TUSC3: variants seen among roughly 807,000 people sequenced by gnomAD.
TUSC3 encodes the protein dolichyl-diphosphooligosaccharide--protein glycosyltransferase subunit TUSC3.
In TUSC3, 45 loss-of-function variants were observed where a neutral mutation model predicts 44.8. That is an observed-to-expected ratio of 1.00 (90% CI 0.79 to 1.29). The LOEUF is 1.29. TUSC3 is among the 50% of genes most tolerant of loss of function. The pLI is 0.00. For synonymous variants in TUSC3, 212 were observed against 152.9 expected, an observed-to-expected ratio of 1.39 and a Z score of -2.85; for missense variants, 519 against 437.9, an observed-to-expected ratio of 1.19 and a Z score of -1.65.
At chr8:15,759,428 T>C (rs887924243) in intron 10 of TUSC3, among the ~76,000 whole-genome samples, 7 of 151,988 alleles carry the variant, frequency 4.6e-5, no homozygotes, top group African/African-American at 1.7e-4. Context: ...CAGAACACTG[T>C]GTACATTCTG....
At chr8:15,657,816 G>C (rs554853925) in intron 3 of TUSC3, among the ~76,000 whole-genome samples, 1 of 152,268 alleles carries the variant, frequency 6.6e-6, no homozygotes, top group African/African-American at 2.4e-5. Flanking sequence ...TGCTGTAACG[G>C]AATACCTGAG....
intron 7 of TUSC3, among the ~76,000 whole-genome samples, chr8:15,738,449 T>A (rs563031640): frequency 1.3e-5 from 2 of 152,290 alleles, no homozygotes; most frequent in South Asian, 2.1e-4. Context: ...TGCCTGCTAT[T>A]TTTGTAAATA....
At chr8:15,557,086 A>G (rs1361103088) in intron 1 of TUSC3, among the ~76,000 whole-genome samples, 2 of 70,934 alleles carry the variant, frequency 2.8e-5, no homozygotes, top group Non-Finnish European at 5.2e-5. Context: ...GCCCATGCCT[A>G]TGTCCTGAAT....
chr8:15,799,813 T>C, the TUSC3 span, among the ~76,000 whole-genome samples: 10 of 152,292 alleles, frequency 6.6e-5, no homozygotes, highest in Admixed American at 5.9e-4. Flanking sequence ...TGCCCCAGTT[T>C]CATGGATGTC....
At chr8:15,734,852 G>C (rs755451104) in intron 7 of TUSC3, among the ~76,000 whole-genome samples, 7 of 152,168 alleles carry the variant, frequency 4.6e-5, no homozygotes, top group Non-Finnish European at 1.0e-4. Context: ...ATTGCAGGAA[G>C]ATAAATTCAT....
chr8:15,622,563 A>C (rs1805297978), intron 1 of TUSC3, among the ~76,000 whole-genome samples: 1 of 152,156 alleles, frequency 6.6e-6, no homozygotes, highest in Non-Finnish European at 1.5e-5. Context: ...TAGCCACCAT[A>C]ATGACTTTTA....
chr8:15,459,191 C>G (rs1351015086), intron 1 of TUSC3, among the ~76,000 whole-genome samples: 1 of 152,116 alleles, frequency 6.6e-6, no homozygotes, highest in African/African-American at 2.4e-5. Flanking sequence ...ATTTACTGGA[C>G]TTAGCATTAA....
chr8:15,659,677 A>G (rs765664451), intron 4 of TUSC3, 30 bp downstream of exon 4: 74 of 1,609,358 alleles, frequency 4.6e-5, no homozygotes, highest in Non-Finnish European at 6.0e-5. Context: ...AGTTTTAATA[A>G]TAGGCTGGTT....
At chr8:15,443,581 T>G (rs1960940) in intron 1 of TUSC3, among the ~76,000 whole-genome samples, 1 of 151,862 alleles carries the variant, frequency 6.6e-6, no homozygotes, top group Non-Finnish European at 1.5e-5. Context: ...TATTCCTTCC[T>G]GGGTGTAGGC....
At chr8:15,642,490 G>C (rs989916973) in intron 2 of TUSC3, among the ~76,000 whole-genome samples, 7 of 152,146 alleles carry the variant, frequency 4.6e-5, no homozygotes, top group African/African-American at 1.7e-4. Context: ...GACTAGAAAA[G>C]ACATAATCTC....
Position 15,764,431 on chromosome 8 carries a change from C to G in TUSC3, c.*275C>G, listed in dbSNP as rs762139750. Reference sequence around the variant, plus strand: ...AGGAAATATCAAAGTGTTTTTCAAGCCTGTTATATTCAGTGTGTGCCACAG... The same window carrying G: ...AGGAAATATCAAAGTGTTTTTCAAGGCTGTTATATTCAGTGTGTGCCACAG... On this transcript the variant is annotated 3_prime_UTR_variant, in exon 11 of 11. Transcript: ENST00000503731. 2.0e-6 allele frequency: 1 copy of G among 510,806 alleles called. No homozygotes were observed. The allele number at this position is 510,806 out of a possible 1,614,324, so 31.6% of individuals were successfully genotyped here.
the TUSC3 span, among the ~76,000 whole-genome samples, chr8:15,830,041 G>A: frequency 2.0e-5 from 3 of 152,042 alleles, no homozygotes; most frequent in Non-Finnish European, 4.4e-5. Context: ...TTTCTCTTAT[G>A]ATTAGTGATG....
chr8:15,672,809 A>T (rs1393208658), intron 5 of TUSC3, among the ~76,000 whole-genome samples: 2 of 151,914 alleles, frequency 1.3e-5, no homozygotes, highest in African/African-American at 4.8e-5. Context: ...AATTGTGCAA[A>T]CTAGAATATT....
chr8:15,446,942 T>C (rs1364347802), intron 1 of TUSC3, among the ~76,000 whole-genome samples: 1 of 149,018 alleles, frequency 6.7e-6, no homozygotes, highest in African/African-American at 2.5e-5. Context: ...GACTTAAAAA[T>C]GCAATATTAA....
At chr8:15,806,550 G>A in the TUSC3 span, 15 of 1,435,014 alleles carry the variant, frequency 1.0e-5, no homozygotes, top group Admixed American at 3.4e-5. Flanking sequence ...AAATCACAGA[G>A]CTCTTCATTT....
chr8:15,582,612 C>G (rs763073769), intron 1 of TUSC3, among the ~76,000 whole-genome samples: 2 of 152,250 alleles, frequency 1.3e-5, no homozygotes, highest in Admixed American at 6.5e-5. Flanking sequence ...TCAATCTTGG[C>G]ACACCCAGCT....
intron 2 of TUSC3, among the ~76,000 whole-genome samples, chr8:15,512,506 C>A (rs1454986319): frequency 2.0e-5 from 3 of 152,132 alleles, no homozygotes; most frequent in Non-Finnish European, 4.4e-5. Context: ...GGCACGGTGG[C>A]TCACACCTGT....
At chr8:15,626,619 C>A (rs1466173277) in intron 2 of TUSC3, among the ~76,000 whole-genome samples, 1 of 152,144 alleles carries the variant, frequency 6.6e-6, no homozygotes, top group African/African-American at 2.4e-5. Flanking sequence ...CCAGGAAGGC[C>A]CCCCTTACCC....
intron 7 of TUSC3, among the ~76,000 whole-genome samples, chr8:15,735,557 T>G (rs762101349): frequency 6.6e-6 from 1 of 152,220 alleles, no homozygotes; most frequent in Admixed American, 6.5e-5. Context: ...TTTTTCTACT[T>G]AGTAATATTT....
Sources: gnomAD v4.1 joint callset for allele counts (sites outside exome capture counted in the v4.1 genomes callset) on GRCh38, gnomAD v4.1.1 for gene constraint, MANE v1.5 for transcripts, NCBI Gene and HGNC (gene_info 2026-07-23, HGNC 2026-07-21) for gene names.